Variants in VPS13B observed in about 807,000 individuals in gnomAD.
The protein encoded by VPS13B is intermembrane lipid transfer protein VPS13B.
In VPS13B, 285 loss-of-function variants were observed where a neutral mutation model predicts 426.4. The observed-to-expected ratio is 0.67, with a 90% CI of 0.61 to 0.74. VPS13B has a LOEUF of 0.74. Among genes scored for constraint, VPS13B ranks in the 30% least tolerant of loss-of-function variants. The pLI, the probability that VPS13B is intolerant of heterozygous loss-of-function variation, is 0.00. For synonymous variants in VPS13B, 1,676 were observed against 1,676.4 expected, an observed-to-expected ratio of 1.00 and a Z score of 0.01; for missense variants, 4,537 against 4,782.6, an observed-to-expected ratio of 0.95 and a Z score of 1.51.
At chr8:99,776,743 A>G in intron 40 of VPS13B, 32 bp from the exon 41 acceptor site, 2 of 1,613,346 alleles carry the variant, frequency 1.2e-6, no homozygotes, top group Non-Finnish European at 8.5e-7. Flanking sequence ...AATTTTGGTT[A>G]TTGAACTTCT....
intron 17 of VPS13B, among the ~76,000 whole-genome samples, chr8:99,201,797 G>A (rs1023634584): frequency 2.6e-5 from 4 of 152,096 alleles, no homozygotes; most frequent in Non-Finnish European, 5.9e-5. Flanking sequence ...TACTATTTCT[G>A]TTGCGCATTA....
intron 18 of VPS13B, among the ~76,000 whole-genome samples, chr8:99,274,580 T>C (rs1818796637): frequency 6.6e-6 from 1 of 152,180 alleles, no homozygotes; most frequent in Non-Finnish European, 1.5e-5. Flanking sequence ...GGAATGTTTA[T>C]TATACTTTTT....
chr8:99,040,684 C>T (rs938796423), intron 3 of VPS13B, among the ~76,000 whole-genome samples: 2 of 151,870 alleles, frequency 1.3e-5, no homozygotes, highest in African/African-American at 2.4e-5. Flanking sequence ...AGAATCACCA[C>T]GAAGAAAAGA....
At chr8:99,173,703 C>A (rs1056039724) in intron 16 of VPS13B, among the ~76,000 whole-genome samples, 1 of 152,154 alleles carries the variant, frequency 6.6e-6, no homozygotes. Flanking sequence ...TTTGGTTCTG[C>A]CATCTAAGAT....
In VPS13B at chr8:99,136,647, G is replaced by A; in HGVS notation, c.1564-18G>A. On this transcript the variant is annotated intron_variant, in intron 11 of 61. Transcript: ENST00000357162. ...CTTTTATACAATGTTTATTCTGTTT[G>A]CATTGCTTTGTTGGCAGGAGACATA... 2 of 1,612,858 alleles carry A rather than the reference G, an allele frequency of 1.2e-6. No homozygotes were observed. Among genetic ancestry groups the A allele is most frequent in the East Asian group, 2.2e-5 (1 of 44,774 alleles).
At chr8:99,139,586 C>T (rs576918885) in intron 12 of VPS13B, among the ~76,000 whole-genome samples, 4 of 151,974 alleles carry the variant, frequency 2.6e-5, no homozygotes, top group South Asian at 4.2e-4. Context: ...TACAGGCGCC[C>T]GCCACCACGC....
intron 19 of VPS13B, among the ~76,000 whole-genome samples, chr8:99,383,798 A>G (rs181310335): frequency 6.6e-6 from 1 of 152,180 alleles, no homozygotes; most frequent in East Asian, 1.9e-4. Flanking sequence ...TCAGTACTTC[A>G]TTTCTTTTTA....
chr8:99,875,424 G>GGAGT lies in VPS13B; in HGVS notation c.11753_11756dup (p.Arg3920SerfsTer48). The GGAGT allele has an allele frequency of 6.2e-7, 1 of 1,614,184 alleles. No homozygotes were observed. Among genetic ancestry groups the GGAGT allele is most frequent in the East Asian group, 2.2e-5 (1 of 44,894 alleles). On this transcript the variant is annotated frameshift_variant, in exon 62 of 62. Coordinates refer to ENST00000357162, the MANE Select transcript of VPS13B (RefSeq NM_152564.5). LOFTEE classifies it high-confidence loss of function. The stretch of plus-strand genomic sequence containing the variant: ...TATTATTTTTGGATCCTAGGTAGAT[G>GGAGT]GAGTCCGAGAGAGACTGTCAGAGCA...
At position 99,581,769 on chromosome 8, in the gene VPS13B, G is replaced by A. The variant is rs148016976; in HGVS notation, c.5220+4136G>A. 4.0e-4 allele frequency among the ~76,000 whole-genome samples: 61 copies of A among 152,198 alleles called. No individual in the cohort carries two copies. The East Asian group carries it at 0.01, about 26-fold the overall frequency. The stretch of plus-strand genomic sequence containing the variant: ...TTCCAATTAAGGATACTCAACCTGC[G>A]TTATGACAGGCTGAGAAATTACATA... On this transcript the variant is annotated intron_variant, in intron 33 of 61. Coordinates refer to ENST00000357162, the MANE Select transcript of VPS13B (RefSeq NM_152564.5).
rs773210498 is a variant in VPS13B at position 99,818,528 on chromosome 8, A to G, written c.8439A>G (p.Gln2813=). The G allele has an allele frequency of 6.2e-7, 1 of 1,614,030 alleles. No homozygotes were observed. Among genetic ancestry groups the G allele is most frequent in the Admixed American group, 1.7e-5 (1 of 60,012 alleles). The change falls in exon 46 of 62, where the codon CAA becomes CAG. Residue 2813 remains glutamine, a synonymous_variant. Transcript: ENST00000357162. ...LTLEPNSQVQ[Q]RMIVFSPLFI... ...TAGAACCCAACTCTCAAGTGCAACA[A>G]CGAATGGTGAGTGCTTTCCCAATCC... is the stretch of plus-strand genomic sequence containing the variant.
At chr8:99,803,407 T>C (rs747657382) in intron 43 of VPS13B, among the ~76,000 whole-genome samples, 9 of 152,224 alleles carry the variant, frequency 5.9e-5, no homozygotes, top group African/African-American at 9.6e-5. Context: ...CTCCATTATA[T>C]CACACCCTGA....
chr8:99,368,512 A>G (rs1165105260), intron 19 of VPS13B, among the ~76,000 whole-genome samples: 1 of 152,100 alleles, frequency 6.6e-6, no homozygotes, highest in Non-Finnish European at 1.5e-5. Flanking sequence ...AGTGCTTCAA[A>G]CTATTTCTTC....
At chr8:99,212,916 A>G (rs1354236412) in intron 17 of VPS13B, among the ~76,000 whole-genome samples, 1 of 152,122 alleles carries the variant, frequency 6.6e-6, no homozygotes, top group African/African-American at 2.4e-5. Context: ...TCACGCTTTC[A>G]TATGCCTGTT....
chr8:99,370,275 T>C (rs1311322467), intron 19 of VPS13B, among the ~76,000 whole-genome samples: 4 of 152,016 alleles, frequency 2.6e-5, no homozygotes, highest in Admixed American at 6.6e-5. Context: ...CAAGGTAATG[T>C]GATATAAAAG....
Position 99,778,900 on chromosome 8 carries a change from G to T in VPS13B, c.7648G>T (p.Gly2550Trp). 6.2e-7 allele frequency: 1 copy of T among 1,613,888 alleles called. No individual in the cohort carries two copies. The highest frequency in any genetic ancestry group is 2.2e-5 in the East Asian group (1 of 44,844). ...QSVVKPFSIF[G>W]QMAVSSDVVE... ...TGTGGTGAAACCCTTCAGCATCTTC[G>T]GGCAGATGGCAGTTTCCAGCGATGT... Residue 2550 changes from glycine to tryptophan, a missense_variant, in exon 42 of 62, where the codon GGG (glycine) becomes TGG (tryptophan). Physicochemically the swap from Gly to Trp is radical, Grantham distance 184 (BLOSUM62 -2). Transcript: ENST00000357162.
chr8:99,737,467 C>G (rs980647500), intron 39 of VPS13B, among the ~76,000 whole-genome samples: 2 of 152,104 alleles, frequency 1.3e-5, no homozygotes, highest in Non-Finnish European at 2.9e-5. Context: ...AGCCTTCCCC[C>G]ACAAGCATAA....
intron 20 of VPS13B, among the ~76,000 whole-genome samples, chr8:99,390,582 G>T (rs1004639790): frequency 6.6e-6 from 1 of 152,032 alleles, no homozygotes; most frequent in Non-Finnish European, 1.5e-5. Flanking sequence ...TGAGGCTTAA[G>T]GTTGGATCTA....
At chr8:99,191,123 T>C (rs944495737) in intron 16 of VPS13B, among the ~76,000 whole-genome samples, 1 of 152,084 alleles carries the variant, frequency 6.6e-6, no homozygotes, top group South Asian at 2.1e-4. Flanking sequence ...TCTGTTGTCT[T>C]CTGTTCTGCA....
At chr8:99,495,094 C>T (rs1017095232) in intron 25 of VPS13B, among the ~76,000 whole-genome samples, 4 of 152,068 alleles carry the variant, frequency 2.6e-5, no homozygotes, top group Admixed American at 1.3e-4. Flanking sequence ...TTTCCATCAC[C>T]ATTCATCACT....
Sources: allele counts gnomAD v4.1 joint callset (sites outside exome capture counted in the v4.1 genomes callset), GRCh38; gene constraint gnomAD v4.1.1; transcripts MANE v1.5; gene names NCBI Gene and HGNC (gene_info 2026-07-23, HGNC 2026-07-21).